PPP3CA: variants seen among roughly 807,000 people sequenced by gnomAD.
PPP3CA encodes the protein CAM-PRP catalytic subunit.
A neutral mutation model predicts 66.5 loss-of-function variants in PPP3CA; 14 were observed. The ratio of observed to expected loss-of-function variants is 0.21; its 90% CI spans 0.14 to 0.33. The LOEUF (loss-of-function observed/expected upper bound fraction) is 0.33, where lower values mean the gene tolerates loss of function less well. Among genes scored for constraint, PPP3CA ranks in the 10% least tolerant of loss-of-function variants. The pLI is 1.00. For missense variants in PPP3CA, 317 were observed against 639.5 expected (o/e 0.50, Z 5.44); for synonymous variants, 232 against 226.2 (o/e 1.03, Z -0.23).
intron 1 of PPP3CA, among the ~76,000 whole-genome samples, chr4:101,294,567 T>C (rs1728133635): frequency 6.6e-6 from 1 of 152,148 alleles, no homozygotes; most frequent in Non-Finnish European, 1.5e-5. Context: ...TATTTGTCTC[T>C]AATATTAGTA....
At chr4:101,130,884 C>T (rs1448327210) in intron 2 of PPP3CA, among the ~76,000 whole-genome samples, 1 of 152,120 alleles carries the variant, frequency 6.6e-6, no homozygotes, top group Non-Finnish European at 1.5e-5. Context: ...CAAATTCACA[C>T]ATAACAATAT....
chr4:101,098,351 A>C lies in PPP3CA; in HGVS notation c.642+16T>G, dbSNP rs778571391. On this transcript the variant is annotated intron_variant, in intron 5 of 13. Coordinates refer to ENST00000394854, the MANE Select transcript of PPP3CA (RefSeq NM_000944.5). ...AGCGCACAAAATGATTAGACTTGGA[A>C]AATAACAAAACTTACTTTTCTGATA... 1 of 1,587,938 alleles carries C rather than the reference A, an allele frequency of 6.3e-7. No individual in the cohort carries two copies. Among genetic ancestry groups the C allele is most frequent in the Non-Finnish European group, 8.5e-7 (1 of 1,169,974 alleles).
intron 1 of PPP3CA, among the ~76,000 whole-genome samples, chr4:101,319,768 G>A (rs73835931): frequency 0.1 from 15,697 of 152,008 alleles, 2,760 homozygotes; most frequent in African/African-American, 0.36. Flanking sequence ...ATATCCAAGG[G>A]ATAAACTTAT....
chr4:101,258,092 C>T (rs2850966), intron 1 of PPP3CA, among the ~76,000 whole-genome samples: 12,767 of 151,970 alleles, frequency 0.084, 730 homozygotes, highest in East Asian at 0.16. Context: ...AGTAAAGCAT[C>T]CAAAACAATA....
intron 1 of PPP3CA, among the ~76,000 whole-genome samples, chr4:101,217,973 T>C (rs1446193722): frequency 6.6e-6 from 1 of 151,966 alleles, no homozygotes; most frequent in Non-Finnish European, 1.5e-5. Flanking sequence ...GGGACACATA[T>C]CATAATAAAA....
At chr4:101,042,239 C>T (rs1455226200) in intron 10 of PPP3CA, among the ~76,000 whole-genome samples, 1 of 136,912 alleles carries the variant, frequency 7.3e-6, no homozygotes, top group Non-Finnish European at 1.5e-5. Flanking sequence ...ACTTTCTTTG[C>T]CTGGGTGGGT....
intron 1 of PPP3CA, among the ~76,000 whole-genome samples, chr4:101,213,945 G>T (rs1348798128): frequency 6.6e-6 from 1 of 152,050 alleles, no homozygotes; most frequent in African/African-American, 2.4e-5. Context: ...AAAATCTTTG[G>T]TTTTTGACAA....
chr4:101,118,137 G>T (rs1721903382), intron 2 of PPP3CA, among the ~76,000 whole-genome samples: 1 of 151,882 alleles, frequency 6.6e-6, no homozygotes. Context: ...AAATCTTAGT[G>T]TTTCTTAACA....
intron 1 of PPP3CA, among the ~76,000 whole-genome samples, chr4:101,261,067 T>C (rs1726995256): frequency 6.6e-6 from 1 of 152,154 alleles, no homozygotes; most frequent in South Asian, 2.1e-4. Flanking sequence ...CTAACTTCTG[T>C]TGAGCATTTA....
chr4:101,306,699 C>T (rs993567362), intron 1 of PPP3CA, among the ~76,000 whole-genome samples: 1 of 152,174 alleles, frequency 6.6e-6, no homozygotes, highest in Non-Finnish European at 1.5e-5. Context: ...ATTTCATTCT[C>T]TTTGCTCTGA....
In PPP3CA at chr4:101,139,247, T is replaced by C. The variant is rs576106230; in HGVS notation, c.260-30169A>G. Among the ~76,000 whole-genome samples the C allele has an allele frequency of 3.3e-5, 5 of 149,904 alleles. No individual in the cohort carries two copies. In the East Asian group the frequency reaches 9.9e-4, roughly 30 times the overall value. ...CTGTAGTCCCAGCTACTAGGGAGGC[T>C]GAGGCAGGAGAATGGTGTGAACCCA... On this transcript the variant is annotated intron_variant, in intron 2 of 13. Transcript: ENST00000394854.
intron 1 of PPP3CA, among the ~76,000 whole-genome samples, chr4:101,281,251 A>G (rs890550306): frequency 1.3e-5 from 2 of 152,234 alleles, no homozygotes; most frequent in African/African-American, 2.4e-5. Flanking sequence ...GTGAACGTAC[A>G]TAATTCTTTT....
At chr4:101,093,129 T>G (rs1730032813) in intron 6 of PPP3CA, among the ~76,000 whole-genome samples, 2 of 152,326 alleles carry the variant, frequency 1.3e-5, no homozygotes, top group South Asian at 4.1e-4. Flanking sequence ...TTTCCTGACT[T>G]TTTAATGATC....
chr4:101,247,290 T>C (rs1310007107), intron 1 of PPP3CA, among the ~76,000 whole-genome samples: 2 of 151,740 alleles, frequency 1.3e-5, no homozygotes, highest in Admixed American at 1.3e-4. Context: ...GCCTCCGGAG[T>C]AGCTGGGATG....
chr4:101,310,944 G>A (rs949082450), intron 1 of PPP3CA, among the ~76,000 whole-genome samples: 1 of 152,040 alleles, frequency 6.6e-6, no homozygotes, highest in South Asian at 2.1e-4. Context: ...AATATTGAAT[G>A]GAATGGTGAA....
intron 1 of PPP3CA, among the ~76,000 whole-genome samples, chr4:101,218,814 A>C (rs1197026165): frequency 6.6e-6 from 1 of 152,080 alleles, no homozygotes; most frequent in Non-Finnish European, 1.5e-5. Context: ...GGCAAGTTTT[A>C]AGTGCTGAAA....
At chr4:101,238,738 C>T (rs559168657) in intron 1 of PPP3CA, among the ~76,000 whole-genome samples, 3 of 152,082 alleles carry the variant, frequency 2.0e-5, no homozygotes, top group Non-Finnish European at 2.9e-5. Context: ...TGGTGGGAAG[C>T]GCTTCAATTC....
chr4:101,115,647 A>G (rs925516621), intron 2 of PPP3CA, among the ~76,000 whole-genome samples: 2 of 151,998 alleles, frequency 1.3e-5, no homozygotes, highest in Admixed American at 6.6e-5. Flanking sequence ...TATACAAATA[A>G]TAGCTTGAAA....
chr4:101,193,627 C>T lies in PPP3CA; in HGVS notation c.259+2289G>A, dbSNP rs185508835. ...CACACTCCTTTACTCCCTCTCCAGA[C>T]GGACAGATGCAGGGAGTCAGGGGAC... On this transcript the variant is annotated intron_variant, in intron 2 of 13. Transcript: ENST00000394854. 1.2e-3 allele frequency among the ~76,000 whole-genome samples: 185 copies of T among 152,238 alleles called. 2 individuals are homozygous for T. Among genetic ancestry groups the T allele is most frequent in the South Asian group, 8.1e-3 (39 of 4,828 alleles).
Sources: allele counts gnomAD v4.1 joint callset (sites outside exome capture counted in the v4.1 genomes callset), GRCh38; gene constraint gnomAD v4.1.1; transcripts MANE v1.5; gene names NCBI Gene and HGNC (gene_info 2026-07-23, HGNC 2026-07-21).